PHTF2: variants seen among roughly 807,000 people sequenced by gnomAD.
PHTF2 encodes putative homeodomain transcription factor 2.
A neutral mutation model predicts 101.2 loss-of-function variants in PHTF2; 60 were observed. The observed-to-expected ratio is 0.59, with a 90% CI of 0.48 to 0.73. The LOEUF (loss-of-function observed/expected upper bound fraction) is 0.73, where lower values mean the gene tolerates loss of function less well. Among genes scored for constraint, PHTF2 ranks in the 30% least tolerant of loss-of-function variants. The probability of loss-of-function intolerance (pLI) is 0.00; values close to 1 mark genes in which losing one functional copy is unlikely to be tolerated. For missense variants in PHTF2, 747 were observed against 908.7 expected (o/e 0.82, Z 2.29); for synonymous variants, 311 against 307.3 (o/e 1.01, Z -0.13).
intron 1 of PHTF2, among the ~76,000 whole-genome samples, chr7:77,813,273 T>C (rs1793591778): frequency 6.6e-6 from 1 of 151,838 alleles, no homozygotes; most frequent in Non-Finnish European, 1.5e-5. Flanking sequence ...AAGGAGTGAA[T>C]AAAGAGGAAC....
chr7:77,932,992 A>T (rs1042092594), intron 12 of PHTF2, among the ~76,000 whole-genome samples: 1 of 152,088 alleles, frequency 6.6e-6, no homozygotes, highest in Non-Finnish European at 1.5e-5. Flanking sequence ...TAATCCCAGC[A>T]CTTTGGGAGG....
At chr7:77,919,319 G>A (rs945613493) in intron 9 of PHTF2, among the ~76,000 whole-genome samples, 13 of 151,890 alleles carry the variant, frequency 8.6e-5, no homozygotes, top group African/African-American at 2.9e-4. Flanking sequence ...AAAAACTTTT[G>A]GTTTTTGACC....
intron 16 of PHTF2, among the ~76,000 whole-genome samples, chr7:77,943,011 T>A (rs1468360595): frequency 6.6e-6 from 1 of 152,224 alleles, no homozygotes; most frequent in Non-Finnish European, 1.5e-5. Context: ...GATTAATTAA[T>A]TTTTGCCTAG....
At chr7:77,858,803 T>C (rs1383271590) in intron 3 of PHTF2, among the ~76,000 whole-genome samples, 3 of 152,204 alleles carry the variant, frequency 2.0e-5, no homozygotes, top group Non-Finnish European at 4.4e-5. Flanking sequence ...TGGTTTAATT[T>C]ATTGTGATAA....
At chr7:77,887,932 T>C (rs1461204733) in intron 3 of PHTF2, among the ~76,000 whole-genome samples, 1 of 152,168 alleles carries the variant, frequency 6.6e-6, no homozygotes, top group Admixed American at 6.5e-5. Context: ...AGAATATAAA[T>C]CAGGATTTCA....
chr7:77,813,771 T>C (rs1562834248), intron 1 of PHTF2, among the ~76,000 whole-genome samples: 1 of 152,176 alleles, frequency 6.6e-6, no homozygotes, highest in Non-Finnish European at 1.5e-5. Context: ...GATTGAAACA[T>C]TGGTTTCCTG....
chr7:77,912,807 C>T (rs1195908741), intron 9 of PHTF2, among the ~76,000 whole-genome samples: 1 of 135,868 alleles, frequency 7.4e-6, no homozygotes, highest in South Asian at 2.4e-4. Flanking sequence ...ATCATGGCTC[C>T]CTGAAGCCTC....
Position 77,840,099 on chromosome 7 carries a change from T to C in PHTF2, c.-35-122T>C, listed in dbSNP as rs541551000. The C allele has an allele frequency of 2.7e-5, 13 of 487,940 alleles. 1 individual carries two copies. The South Asian group carries it at 6.2e-4, about 23-fold the overall frequency. The allele number at this position is 487,940 out of a possible 1,614,324, so 30.2% of individuals were successfully genotyped here. On this transcript the variant is annotated intron_variant, in intron 1 of 19. Coordinates refer to ENST00000416283, the Ensembl canonical transcript of PHTF2. ...AAAATAGTAATGAGGAAGAGTGTAATATAAGTCTCGTCATACACCCCTTGC... is the reference window on the plus strand; with the variant it reads ...AAAATAGTAATGAGGAAGAGTGTAACATAAGTCTCGTCATACACCCCTTGC...
chr7:77,951,103 A>G (rs1365651683), intron 17 of PHTF2, among the ~76,000 whole-genome samples: 1 of 152,196 alleles, frequency 6.6e-6, no homozygotes, highest in Non-Finnish European at 1.5e-5. Flanking sequence ...TCTATTATAG[A>G]GTGGATAATA....
chr7:77,850,360 C>CAAAAAAAAAAA lies in PHTF2; in HGVS notation c.46-4358_46-4348dup, dbSNP rs71082789. Among the ~76,000 whole-genome samples, 91 of 44,390 alleles carry CAAAAAAAAAAA rather than the reference C, an allele frequency of 2.1e-3. 8 individuals are homozygous for CAAAAAAAAAAA. The highest frequency in any genetic ancestry group is 7.4e-3 in the African/African-American group (86 of 11,566). 29.1% of individuals were successfully genotyped at this position (44,390 alleles called of 152,430 possible). A position where few individuals can be genotyped will look rare whatever the true frequency, so the allele number is the denominator to read the frequency against. On this transcript the variant is annotated intron_variant, in intron 2 of 19. Transcript: ENST00000416283. ...TGAAAGACAAAGCAAGACCTTGTCT[C>CAAAAAAAAAAA]AAAAAAAAAAAAAAAAAAAAAAAAA...
intron 16 of PHTF2, among the ~76,000 whole-genome samples, chr7:77,945,176 T>C (rs1468565843): frequency 6.6e-6 from 1 of 152,104 alleles, no homozygotes; most frequent in East Asian, 1.9e-4. Context: ...CTCTCTCTAC[T>C]GAAAATACAA....
At chr7:77,811,722 G>C (rs963668598) in intron 1 of PHTF2, among the ~76,000 whole-genome samples, 1 of 151,994 alleles carries the variant, frequency 6.6e-6, no homozygotes, top group South Asian at 2.1e-4. Flanking sequence ...TACTATCTCT[G>C]TGCCAGCCCT....
At chr7:77,901,715 A>T (rs749111504) in intron 6 of PHTF2, 47 bp from the exon 6 acceptor site, 2 of 1,078,982 alleles carry the variant, frequency 1.9e-6, no homozygotes, top group Non-Finnish European at 1.2e-6. Context: ...AAGAAATTAA[A>T]GAATAATATA....
In PHTF2 at chr7:77,814,829, C is replaced by CT. The variant is rs760005213; in HGVS notation, c.-36+15861dup. On this transcript the variant is annotated intron_variant, in intron 1 of 19. Transcript: ENST00000416283. The stretch of plus-strand genomic sequence containing the variant: ...GTGGCTTAGGCCTGTAATTCCAGCA[C>CT]TTTGGGAGGCTGAGGCAGGTGGATT... Among the ~76,000 whole-genome samples the CT allele has an allele frequency of 1.1e-4, 17 of 152,150 alleles. No individual in the cohort carries two copies. The East Asian group carries it at 3.3e-3, about 30-fold the overall frequency.
chr7:77,955,064 G>A (rs1430716532), exon 20 of PHTF2: 2 of 351,940 alleles, frequency 5.7e-6, no homozygotes, highest in African/African-American at 4.3e-5. Flanking sequence ...ATTTATTTTA[G>A]TCTTTATATT....
At chr7:77,939,605 AAAAG>A (rs1334582689) in intron 13 of PHTF2, among the ~76,000 whole-genome samples, 5 of 151,726 alleles carry the variant, frequency 3.3e-5, no homozygotes, top group East Asian at 3.9e-4. Context: ...AAAAAAAAAA[AAAAG>A]AAAACAGAAA....
intron 16 of PHTF2, among the ~76,000 whole-genome samples, chr7:77,947,966 G>A (rs539520174): frequency 6.7e-6 from 1 of 150,284 alleles, no homozygotes; most frequent in Non-Finnish European, 1.5e-5. Context: ...AGCCTCCTGA[G>A]TAGCTGGGAT....
chr7:77,860,274 T>G (rs190441139), intron 3 of PHTF2, among the ~76,000 whole-genome samples: 4 of 152,354 alleles, frequency 2.6e-5, no homozygotes, highest in African/African-American at 9.6e-5. Flanking sequence ...TTTAAAAAAT[T>G]TATACTCTTA....
exon 11 of PHTF2, chr7:77,922,705 A>T (rs372691512): frequency 8.7e-6 from 14 of 1,609,964 alleles, no homozygotes; most frequent in Non-Finnish European, 1.2e-5. Flanking sequence ...TTACGTCGTC[A>T]TGTGGACAGG....
Sources: gnomAD v4.1 joint callset for allele counts (sites outside exome capture counted in the v4.1 genomes callset) on GRCh38, gnomAD v4.1.1 for gene constraint, MANE v1.5 for transcripts, NCBI Gene and HGNC (gene_info 2026-07-23, HGNC 2026-07-21) for gene names.